The following SUGCT variants were observed in gnomAD, a reference collection of about 807,000 sequenced individuals.
SUGCT encodes the protein succinyl-CoA:glutarate-CoA transferase.
SUGCT carries 41 observed loss-of-function variants against 55.0 expected under a neutral mutation model. That is an observed-to-expected ratio of 0.74 (90% confidence interval 0.58 to 0.97). The LOEUF is 0.97. SUGCT is among the 50% of genes least tolerant of loss of function. The probability of loss-of-function intolerance (pLI) is 0.00; values close to 1 mark genes in which losing one functional copy is unlikely to be tolerated. For synonymous variants in SUGCT, 187 were observed against 200.4 expected (o/e 0.93, Z 0.56); for missense variants, 568 against 547.8 (o/e 1.04, Z -0.37).
At chr7:40,729,261 T>C (rs926563861) in intron 12 of SUGCT, among the ~76,000 whole-genome samples, 1 of 152,224 alleles carries the variant, frequency 6.6e-6, no homozygotes, top group African/African-American at 2.4e-5. Context: ...TTAACACTTG[T>C]ATGTATCAGG....
chr7:40,794,368 T>C (rs545593369), intron 13 of SUGCT, among the ~76,000 whole-genome samples: 8 of 152,194 alleles, frequency 5.3e-5, no homozygotes, highest in South Asian at 4.1e-4. Flanking sequence ...GTCTGACTTA[T>C]GGTTAAATTC....
intron 12 of SUGCT, among the ~76,000 whole-genome samples, chr7:40,587,898 T>C (rs1203865513): frequency 1.3e-5 from 2 of 151,232 alleles, no homozygotes; most frequent in Admixed American, 1.3e-4. Context: ...TTCTTCTTTC[T>C]TTCTGTTTTT....
chr7:40,215,329 T>C lies in SUGCT; in HGVS notation c.484+20269T>C, dbSNP rs1787565223. On this transcript the variant is annotated intron_variant, in intron 6 of 13. Transcript: ENST00000335693. Reference sequence around the variant, plus strand: ...AGATAATTTTTGTATTTTATTTTATTTTTTTGTAGAGACAGGATTTTGCCT... The same window carrying C: ...AGATAATTTTTGTATTTTATTTTATCTTTTTGTAGAGACAGGATTTTGCCT... Among the ~76,000 whole-genome samples the C allele has an allele frequency of 2.6e-5, 4 of 152,062 alleles. No homozygotes were observed. In the South Asian group the frequency reaches 8.3e-4, roughly 32 times the overall value.
At chr7:40,391,463 A>C (rs1785424579) in intron 9 of SUGCT, among the ~76,000 whole-genome samples, 1 of 152,198 alleles carries the variant, frequency 6.6e-6, no homozygotes, top group Admixed American at 6.5e-5. Context: ...CCCATCAAAA[A>C]GTGGGCAAAG....
the SUGCT span, among the ~76,000 whole-genome samples, chr7:40,876,794 G>A: frequency 6.6e-6 from 1 of 152,064 alleles, no homozygotes; most frequent in African/African-American, 2.4e-5. Flanking sequence ...TTGTATTTGT[G>A]CATCCATCCC....
the SUGCT span, among the ~76,000 whole-genome samples, chr7:40,961,906 C>T: frequency 6.6e-6 from 1 of 152,202 alleles, no homozygotes; most frequent in African/African-American, 2.4e-5. Flanking sequence ...GTGAATGTTA[C>T]AGCTCATAAA....
chr7:40,466,921 G>A (rs1790141199), intron 11 of SUGCT, among the ~76,000 whole-genome samples: 1 of 152,090 alleles, frequency 6.6e-6, no homozygotes, highest in Non-Finnish European at 1.5e-5. Context: ...CAGAACAGAC[G>A]GGCCGGGCAC....
At chr7:40,729,140 A>G (rs76213952) in intron 12 of SUGCT, among the ~76,000 whole-genome samples, 2,913 of 152,290 alleles carry the variant, frequency 0.019, 91 homozygotes, top group African/African-American at 0.067. Flanking sequence ...CTAGTCTGTG[A>G]TACCTAATAT....
At chr7:40,940,164 T>G in the SUGCT span, among the ~76,000 whole-genome samples, 1 of 152,178 alleles carries the variant, frequency 6.6e-6, no homozygotes, top group Non-Finnish European at 1.5e-5. Context: ...TTTGTATGCT[T>G]TGTTGAAGAT....
rs74356323 is a variant in SUGCT, at chr7:40,217,213, C to A, written c.485-20422C>A. On this transcript the variant is annotated intron_variant, in intron 6 of 13. Transcript: ENST00000335693. ...TTGAATTGATTCCAGAATTATTCTTCTTCTTCTTTTTTTTAAGACAGGGTC... is the reference window on the plus strand; with the variant it reads ...TTGAATTGATTCCAGAATTATTCTTATTCTTCTTTTTTTTAAGACAGGGTC... Among the ~76,000 whole-genome samples the A allele has an allele frequency of 9.4e-3, 1,431 of 151,952 alleles. 11 individuals are homozygous for A. The highest frequency in any genetic ancestry group is 0.022 in the African/African-American group (896 of 41,466).
At chr7:40,147,484 C>T (rs1001569639) in intron 1 of SUGCT, among the ~76,000 whole-genome samples, 3 of 152,202 alleles carry the variant, frequency 2.0e-5, no homozygotes, top group East Asian at 1.9e-4. Flanking sequence ...ACTGTCCCTG[C>T]GGTTTCTCTC....
At chr7:40,640,521 A>G (rs1800223612) in intron 12 of SUGCT, among the ~76,000 whole-genome samples, 1 of 152,222 alleles carries the variant, frequency 6.6e-6, no homozygotes, top group Non-Finnish European at 1.5e-5. Context: ...GAGGCTATCT[A>G]TAAAAGTGCA....
intron 12 of SUGCT, among the ~76,000 whole-genome samples, chr7:40,699,435 G>A (rs527928833): frequency 6.6e-6 from 1 of 152,308 alleles, no homozygotes; most frequent in South Asian, 2.1e-4. Flanking sequence ...ATGCTGCCAG[G>A]TTATACAGAC....
chr7:40,800,538 T>C (rs2128750485), intron 13 of SUGCT, among the ~76,000 whole-genome samples: 1 of 152,168 alleles, frequency 6.6e-6, no homozygotes, highest in African/African-American at 2.4e-5. Context: ...GTGATCCACC[T>C]GCCTCAGCCT....
chr7:40,428,574 A>G (rs948500886), intron 9 of SUGCT, among the ~76,000 whole-genome samples: 1 of 151,222 alleles, frequency 6.6e-6, no homozygotes, highest in Non-Finnish European at 1.5e-5. Flanking sequence ...GGCCTTATGT[A>G]AAACATAGCA....
chr7:40,554,686 G>A (rs1373979347), intron 12 of SUGCT, among the ~76,000 whole-genome samples: 2 of 152,114 alleles, frequency 1.3e-5, no homozygotes, highest in Non-Finnish European at 2.9e-5. Context: ...CCTTAGACTT[G>A]TGTTTGTCAT....
At chr7:40,641,756 C>G (rs1361816366) in intron 12 of SUGCT, among the ~76,000 whole-genome samples, 1 of 152,160 alleles carries the variant, frequency 6.6e-6, no homozygotes, top group African/African-American at 2.4e-5. Context: ...TCCTTCAGGT[C>G]TTCGCAGGAG....
intron 12 of SUGCT, among the ~76,000 whole-genome samples, chr7:40,536,774 T>G (rs1794385786): frequency 6.6e-6 from 1 of 152,170 alleles, no homozygotes; most frequent in Non-Finnish European, 1.5e-5. Context: ...CTTTCTCAGC[T>G]TGGGTAGGAG....
chr7:40,738,531 A>G (rs1488489715), intron 12 of SUGCT, among the ~76,000 whole-genome samples: 1 of 152,226 alleles, frequency 6.6e-6, no homozygotes, highest in Admixed American at 6.5e-5. Context: ...ATACAAACCA[A>G]AATGAAGCCA....
Sources: gnomAD v4.1 joint callset for allele counts (sites outside exome capture counted in the v4.1 genomes callset) on GRCh38, gnomAD v4.1.1 for gene constraint, MANE v1.5 for transcripts, NCBI Gene and HGNC (gene_info 2026-07-23, HGNC 2026-07-21) for gene names.